CFDP1: variants seen among roughly 807,000 people sequenced by gnomAD.
CFDP1 encodes the protein heterochromatin-stabilizing protein CFDP1.
Under a neutral mutation model 40.1 loss-of-function variants are expected in CFDP1, and 31 were observed. That is an observed-to-expected ratio of 0.77 (90% confidence interval 0.58 to 1.04). The LOEUF (loss-of-function observed/expected upper bound fraction) is 1.04, where lower values mean the gene tolerates loss of function less well. CFDP1 is among the 50% of genes least tolerant of loss of function. CFDP1 has a pLI of 0.00. For missense variants in CFDP1, 423 were observed against 343.4 expected (o/e 1.23, Z -1.83); for synonymous variants, 167 against 120.0 (o/e 1.39, Z -2.56).
intron 5 of CFDP1, among the ~76,000 whole-genome samples, chr16:75,358,987 C>T (rs183259899): frequency 3.9e-5 from 6 of 152,274 alleles, no homozygotes; most frequent in East Asian, 1.9e-4. Flanking sequence ...TCACATTTGG[C>T]GTAGTATCAC....
intron 2 of CFDP1, among the ~76,000 whole-genome samples, chr16:75,413,867 T>A (rs778133009): frequency 1.1e-4 from 17 of 152,184 alleles, no homozygotes; most frequent in Non-Finnish European, 2.2e-4. Flanking sequence ...TCTGTATTTT[T>A]AAAATTTAAT....
rs1275081719 is a variant in CFDP1, at chr16:75,328,687, T to G, written c.651-23505A>C. Among the ~76,000 whole-genome samples, 4 of 151,290 alleles carry G rather than the reference T, an allele frequency of 2.6e-5. No individual in the cohort carries two copies. The East Asian group carries it at 7.8e-4, about 29-fold the overall frequency. ...AAATAGCAGTATAATAAGCATAATT[T>G]TTTTTTTTTGAGATGAACTCTCACT... On this transcript the variant is annotated intron_variant, in intron 5 of 6. Coordinates refer to ENST00000283882, the MANE Select transcript of CFDP1 (RefSeq NM_006324.3).
chr16:75,360,102 A>T (rs990971860), intron 5 of CFDP1, among the ~76,000 whole-genome samples: 5 of 152,168 alleles, frequency 3.3e-5, no homozygotes, highest in Admixed American at 2.6e-4. Context: ...TATGTTGGGC[A>T]GCCTGTCTTG....
intron 5 of CFDP1, among the ~76,000 whole-genome samples, chr16:75,369,943 T>C (rs8051238): frequency 0.17 from 25,171 of 151,772 alleles, 2,237 homozygotes; most frequent in Middle Eastern, 0.22. Flanking sequence ...ATTATTATTA[T>C]TATTATTTTT....
At chr16:75,321,679 T>C (rs979590515) in intron 5 of CFDP1, among the ~76,000 whole-genome samples, 4 of 152,198 alleles carry the variant, frequency 2.6e-5, no homozygotes, top group African/African-American at 9.7e-5. Flanking sequence ...AACTAAGAAC[T>C]CATGACTGTA....
At chr16:75,359,592 T>C (rs1382718528) in intron 5 of CFDP1, among the ~76,000 whole-genome samples, 2 of 152,298 alleles carry the variant, frequency 1.3e-5, no homozygotes, top group Middle Eastern at 6.8e-3. Flanking sequence ...TAAACCAATC[T>C]TTCCTGAGAC....
At chr16:75,330,353 A>G (rs538455526) in intron 5 of CFDP1, among the ~76,000 whole-genome samples, 2 of 152,350 alleles carry the variant, frequency 1.3e-5, no homozygotes, top group South Asian at 4.1e-4. Flanking sequence ...TTGGGAGGCC[A>G]AGGCAGGTGG....
rs1421361456 is a variant in CFDP1, at chr16:75,311,483, C to T, written c.651-6301G>A. ...TAAATCCTCATTATTTGACAATGGA[C>T]TTACCCAAACACTTTTTCTCATAAC... On this transcript the variant is annotated intron_variant, in intron 5 of 6. Transcript: ENST00000283882. 4.6e-5 allele frequency among the ~76,000 whole-genome samples: 7 copies of T among 152,258 alleles called. No individual in the cohort carries two copies. The South Asian group carries it at 6.2e-4, about 14-fold the overall frequency.
chr16:75,357,500 C>T (rs2078652766), intron 5 of CFDP1, among the ~76,000 whole-genome samples: 1 of 152,180 alleles, frequency 6.6e-6, no homozygotes, highest in African/African-American at 2.4e-5. Context: ...ACTGATCTAC[C>T]TGCCTTGACT....
intron 1 of CFDP1, among the ~76,000 whole-genome samples, chr16:75,428,198 T>C (rs1312067530): frequency 3.3e-5 from 5 of 151,878 alleles, no homozygotes; most frequent in African/African-American, 1.2e-4. Context: ...TACACAACGC[T>C]AGGCATTTAA....
chr16:75,326,878 G>A (rs2078405282), intron 5 of CFDP1, among the ~76,000 whole-genome samples: 1 of 152,160 alleles, frequency 6.6e-6, no homozygotes, highest in Non-Finnish European at 1.5e-5. Flanking sequence ...CAAATAACAT[G>A]TGAAGGGAGA....
At chr16:75,390,781 GGT>G in intron 5 of CFDP1, among the ~76,000 whole-genome samples, 1 of 152,282 alleles carries the variant, frequency 6.6e-6, no homozygotes, top group Non-Finnish European at 1.5e-5. Flanking sequence ...CCTGTCAGGA[GGT>G]CCATTCCACC....
chr16:75,348,156 G>A (rs1249954015), intron 5 of CFDP1, among the ~76,000 whole-genome samples: 2 of 152,156 alleles, frequency 1.3e-5, no homozygotes, highest in Non-Finnish European at 2.9e-5. Flanking sequence ...CACTTACTAT[G>A]TTGCCCAGGC....
intron 2 of CFDP1, 63 bp downstream of exon 2, chr16:75,414,515 T>C: frequency 2.1e-6 from 2 of 958,324 alleles, no homozygotes; most frequent in South Asian, 2.7e-5. Context: ...GAGACCAATC[T>C]TAGCAATCAG....
At chr16:75,411,435 C>A (rs2079161797) in intron 4 of CFDP1, among the ~76,000 whole-genome samples, 1 of 152,004 alleles carries the variant, frequency 6.6e-6, no homozygotes, top group Non-Finnish European at 1.5e-5. Flanking sequence ...ATATTGAAAC[C>A]AAATTTCTCT....
intron 6 of CFDP1, among the ~76,000 whole-genome samples, chr16:75,295,890 C>T (rs2078178613): frequency 6.6e-6 from 1 of 152,184 alleles, no homozygotes; most frequent in African/African-American, 2.4e-5. Context: ...TTACTTCCCA[C>T]CTCCCACTAA....
In CFDP1 at chr16:75,426,340, A is replaced by C. The variant is rs113828171; in HGVS notation, c.64+6949T>G. 6.4e-3 allele frequency among the ~76,000 whole-genome samples: 967 copies of C among 152,080 alleles called. 3 individuals are homozygous for C. The highest frequency in any genetic ancestry group is 0.01 in the Non-Finnish European group (684 of 67,936). ...ACTCCAGCCTGGGCAACAAGAGCGA[A>C]ACTCTATCTCAAAAAAACAAAAACA... On this transcript the variant is annotated intron_variant, in intron 1 of 6. Transcript: ENST00000283882.
intron 5 of CFDP1, among the ~76,000 whole-genome samples, chr16:75,362,284 T>C (rs1420338367): frequency 1.3e-5 from 2 of 152,168 alleles, no homozygotes; most frequent in Non-Finnish European, 2.9e-5. Flanking sequence ...CATCCTACTT[T>C]GGGTAGAAAG....
chr16:75,407,072 T>C (rs1234731401), intron 4 of CFDP1, among the ~76,000 whole-genome samples: 1 of 152,066 alleles, frequency 6.6e-6, no homozygotes, highest in Non-Finnish European at 1.5e-5. Context: ...TAGCTAGGTG[T>C]GGTGATGTTC....
Sources: gnomAD v4.1 joint callset for allele counts (sites outside exome capture counted in the v4.1 genomes callset) on GRCh38, gnomAD v4.1.1 for gene constraint, MANE v1.5 for transcripts, NCBI Gene and HGNC (gene_info 2026-07-23, HGNC 2026-07-21) for gene names.